Variants in IGSF11 observed in about 807,000 individuals in gnomAD.
The protein encoded by IGSF11 is immunoglobulin superfamily member 11.
Under a neutral mutation model 41.0 loss-of-function variants are expected in IGSF11, and 22 were observed. The observed-to-expected ratio is 0.54, with a 90% CI of 0.38 to 0.77. IGSF11 has a LOEUF of 0.77. Among genes scored for constraint, IGSF11 ranks in the 30% least tolerant of loss-of-function variants. The pLI is 0.00. For synonymous variants in IGSF11, 219 were observed against 201.3 expected (o/e 1.09, Z -0.74); for missense variants, 444 against 530.8 (o/e 0.84, Z 1.61).
chr3:118,905,690 C>G lies in IGSF11; in HGVS notation c.609G>C (p.Arg203=). 6.2e-7 allele frequency: 1 copy of G among 1,613,790 alleles called. No homozygotes were observed. Among genetic ancestry groups the G allele is most frequent in the South Asian group, 1.1e-5 (1 of 91,064 alleles). The change falls in exon 5 of 7, where the codon CGG becomes CGC. Residue 203 remains arginine (R), a synonymous_variant. Transcript: ENST00000393775. ...QDQVQGTVTI[R]NISALSSGLY... Reference sequence around the variant, plus strand: ...AACCTGAAGACAGGGCACTGATGTTCCGGATGGTGACTGTTCCCTGGACCT... The same window carrying G: ...AACCTGAAGACAGGGCACTGATGTTGCGGATGGTGACTGTTCCCTGGACCT...
chr3:119,106,414 G>C (rs963370986), upstream of IGSF11, among the ~76,000 whole-genome samples: 1 of 151,986 alleles, frequency 6.6e-6, no homozygotes, highest in Non-Finnish European at 1.5e-5. Context: ...ATCTCCACAA[G>C]TTCAATTGTT....
chr3:119,006,246 T>A (rs946049811), intron 1 of IGSF11, among the ~76,000 whole-genome samples: 3 of 123,536 alleles, frequency 2.4e-5, no homozygotes, highest in African/African-American at 1.2e-4. Flanking sequence ...TTTCTTCCAG[T>A]TGATCGCATC....
At chr3:119,103,230 C>T (rs2076966568) in intron 1 of IGSF11, among the ~76,000 whole-genome samples, 3 of 152,168 alleles carry the variant, frequency 2.0e-5, no homozygotes. Flanking sequence ...ATCTCCTGAC[C>T]TCTTGATCCG....
At chr3:119,014,645 T>A (rs910649507) in intron 1 of IGSF11, among the ~76,000 whole-genome samples, 9 of 152,248 alleles carry the variant, frequency 5.9e-5, no homozygotes, top group Admixed American at 3.3e-4. Context: ...GATTCTGGCC[T>A]AAACTTTGCC....
chr3:119,042,593 C>A (rs989913063), intron 1 of IGSF11, among the ~76,000 whole-genome samples: 3 of 152,104 alleles, frequency 2.0e-5, no homozygotes, highest in Non-Finnish European at 4.4e-5. Flanking sequence ...CACCTCCTAC[C>A]CCCCACAGTG....
intron 4 of IGSF11, among the ~76,000 whole-genome samples, chr3:118,909,251 T>C (rs558107451): frequency 6.6e-6 from 1 of 152,204 alleles, no homozygotes; most frequent in East Asian, 1.9e-4. Flanking sequence ...AAATAATGAG[T>C]AACTATAATA....
intron 1 of IGSF11, among the ~76,000 whole-genome samples, chr3:118,932,859 G>T (rs187890312): frequency 1.4e-4 from 22 of 152,358 alleles, no homozygotes; most frequent in East Asian, 7.7e-4. Flanking sequence ...ACACGGGATT[G>T]TAAGTACCCT....
chr3:119,041,517 A>G (rs1559829346), intron 1 of IGSF11, among the ~76,000 whole-genome samples: 1 of 152,068 alleles, frequency 6.6e-6, no homozygotes, highest in African/African-American at 2.4e-5. Context: ...CTCAGGAAGG[A>G]GAGGTTGCTG....
At chr3:119,119,438 G>A (rs943552015) in intron 1 of IGSF11, among the ~76,000 whole-genome samples, 2 of 152,120 alleles carry the variant, frequency 1.3e-5, no homozygotes, top group Non-Finnish European at 2.9e-5. Flanking sequence ...GGAAAGACCT[G>A]TCCCCATGAT....
chr3:119,048,454 G>C (rs184361901), intron 1 of IGSF11, among the ~76,000 whole-genome samples: 49 of 152,230 alleles, frequency 3.2e-4, no homozygotes, highest in Non-Finnish European at 6.2e-4. Flanking sequence ...CAGGAAGAAG[G>C]TGAATCTCTG....
intron 1 of IGSF11, among the ~76,000 whole-genome samples, chr3:119,014,278 T>C (rs1938446217): frequency 6.6e-6 from 1 of 152,226 alleles, no homozygotes; most frequent in Admixed American, 6.5e-5. Context: ...TTACCCAGTC[T>C]GGAATACAAT....
At position 118,975,360 on chromosome 3, in the gene IGSF11, A is replaced by ATT. The variant is rs199845644; in HGVS notation, c.53-45087_53-45086dup. Among the ~76,000 whole-genome samples the ATT allele has an allele frequency of 9.4e-4, 141 of 149,484 alleles. 2 individuals are homozygous for ATT. The highest frequency in any genetic ancestry group is 3.4e-3 in the African/African-American group (135 of 39,904). ...ACAAATAAATTTGTAGCCCTGCTGG[A>ATT]TTTAAAAAAAAAAAAAAAAGATGTG... is the stretch of plus-strand genomic sequence containing the variant. On this transcript the variant is annotated intron_variant, in intron 1 of 6. Coordinates refer to ENST00000393775, the MANE Select transcript of IGSF11 (RefSeq NM_001015887.3).
intron 1 of IGSF11, among the ~76,000 whole-genome samples, chr3:119,087,405 C>CAT (rs1559859986): frequency 7.5e-6 from 1 of 132,562 alleles, no homozygotes; most frequent in Non-Finnish European, 1.7e-5. Context: ...CACACACATA[C>CAT]ACACACACAC....
intron 1 of IGSF11, among the ~76,000 whole-genome samples, chr3:119,073,509 G>C (rs1007271788): frequency 3.3e-5 from 5 of 152,208 alleles, no homozygotes; most frequent in Non-Finnish European, 7.4e-5. Flanking sequence ...CCGTGGGGGG[G>C]CTCGGGCATG....
intron 1 of IGSF11, among the ~76,000 whole-genome samples, chr3:119,021,752 T>C (rs1053358707): frequency 6.6e-5 from 10 of 152,088 alleles, no homozygotes; most frequent in Admixed American, 6.5e-4. Flanking sequence ...CCAGGAAATA[T>C]CTTTATGACA....
chr3:118,994,568 G>A (rs1255880897), intron 1 of IGSF11, among the ~76,000 whole-genome samples: 1 of 152,146 alleles, frequency 6.6e-6, no homozygotes, highest in African/African-American at 2.4e-5. Flanking sequence ...TGAGATGGGA[G>A]GATCACTTAA....
chr3:119,033,418 A>G (rs1940605694), intron 1 of IGSF11, among the ~76,000 whole-genome samples: 1 of 152,252 alleles, frequency 6.6e-6, no homozygotes, highest in South Asian at 2.1e-4. Flanking sequence ...TGTGCACATC[A>G]TCACTAAAAA....
chr3:118,968,650 T>C (rs188191721), intron 1 of IGSF11, among the ~76,000 whole-genome samples: 1 of 152,234 alleles, frequency 6.6e-6, no homozygotes, highest in Non-Finnish European at 1.5e-5. Flanking sequence ...TCTCTCTTTA[T>C]CTCTTCGATA....
chr3:119,107,159 C>T (rs944560186), upstream of IGSF11, among the ~76,000 whole-genome samples: 1 of 152,212 alleles, frequency 6.6e-6, no homozygotes, highest in African/African-American at 2.4e-5. Context: ...TGAGGAATCA[C>T]CACACTGACT....
Sources: gnomAD v4.1 joint callset for allele counts (sites outside exome capture counted in the v4.1 genomes callset) on GRCh38, gnomAD v4.1.1 for gene constraint, MANE v1.5 for transcripts, NCBI Gene and HGNC (gene_info 2026-07-23, HGNC 2026-07-21) for gene names.